The following NUF2 variants were observed in gnomAD, a reference collection of about 807,000 sequenced individuals.
NUF2 encodes kinetochore protein Nuf2.
A neutral mutation model predicts 61.8 loss-of-function variants in NUF2; 34 were observed. The ratio of observed to expected loss-of-function variants is 0.55; its 90% confidence interval spans 0.42 to 0.73. The LOEUF (loss-of-function observed/expected upper bound fraction) is 0.73, where lower values mean the gene tolerates loss of function less well. Ranked by LOEUF, NUF2 falls within the 30% of genes least tolerant of loss-of-function variation. The pLI is 0.00. For synonymous variants in NUF2, 172 were observed against 181.6 expected, an observed-to-expected ratio of 0.95 and a Z score of 0.42; for missense variants, 445 against 539.1, an observed-to-expected ratio of 0.83 and a Z score of 1.73.
At chr1:163,332,264 T>G (rs763348275) in intron 5 of NUF2, among the ~76,000 whole-genome samples, 2 of 152,196 alleles carry the variant, frequency 1.3e-5, no homozygotes, top group Admixed American at 6.5e-5. Flanking sequence ...TTGTCTGCTT[T>G]CCAAATATTT....
At chr1:163,354,966 C>T (rs1651440117) in intron 13 of NUF2, among the ~76,000 whole-genome samples, 1 of 151,924 alleles carries the variant, frequency 6.6e-6, no homozygotes, top group Non-Finnish European at 1.5e-5. Context: ...AAATGATAAT[C>T]AGGGTCAAAT....
At chr1:163,339,307 A>T (rs889698950) in intron 7 of NUF2, 74 bp from the exon 8 acceptor site, 1 of 831,830 alleles carries the variant, frequency 1.2e-6, no homozygotes, top group Admixed American at 2.2e-5. Flanking sequence ...CATCTCAGTT[A>T]TTTGAGGACA....
At position 163,324,784 on chromosome 1, in the gene NUF2, C is replaced by T. The variant is rs529180463; in HGVS notation, c.-20-1248C>T. 1.1e-3 allele frequency among the ~76,000 whole-genome samples: 160 copies of T among 152,212 alleles called. 1 individual carries two copies. The highest frequency in any genetic ancestry group is 3.6e-3 in the African/African-American group (150 of 41,512). Reference sequence around the variant, plus strand: ...AAGAAAATGAAAAGATCCTTACTTACCGGAATCTCACAATGTGGTGTCAGA... The same window carrying T: ...AAGAAAATGAAAAGATCCTTACTTATCGGAATCTCACAATGTGGTGTCAGA... On this transcript the variant is annotated intron_variant, in intron 1 of 13. Coordinates refer to ENST00000271452, the MANE Select transcript of NUF2 (RefSeq NM_145697.3).
chr1:163,340,190 A>G, intron 8 of NUF2, 174 bp from the exon 9 acceptor site: 1 of 534,464 alleles, frequency 1.9e-6, no homozygotes, highest in Non-Finnish European at 3.2e-6. Flanking sequence ...CTACTTAGTA[A>G]AGGAACTCTT....
chr1:163,336,863 T>C lies in NUF2; in HGVS notation c.435+15T>C, dbSNP rs764804886. 7 of 1,512,142 alleles carry C rather than the reference T, an allele frequency of 4.6e-6. No individual in the cohort carries two copies. The highest frequency in any genetic ancestry group is 4.5e-5 in the East Asian group (2 of 44,238). The allele number at this position is 1,512,142 out of a possible 1,614,324, so 93.7% of individuals were successfully genotyped here. On this transcript the variant is annotated intron_variant, in intron 6 of 13. Coordinates refer to ENST00000271452, the MANE Select transcript of NUF2 (RefSeq NM_145697.3). ...TTTGGCAATATGTAAGATTTAAATA[T>C]GTTTTGGGGTTACATGCCAGATCAG...
At chr1:163,348,752 A>G (rs971588447) in intron 12 of NUF2, among the ~76,000 whole-genome samples, 193 bp from the exon 13 acceptor site, 2 of 152,212 alleles carry the variant, frequency 1.3e-5, no homozygotes, top group African/African-American at 4.8e-5. Flanking sequence ...TGAGAGAAAG[A>G]GTTCACACTA....
At position 163,339,428 on chromosome 1, in the gene NUF2, G is replaced by A; in HGVS notation, c.557G>A (p.Gly186Glu). The A allele has an allele frequency of 6.2e-7, 1 of 1,613,014 alleles. No individual in the cohort carries two copies. The highest frequency in any genetic ancestry group is 8.5e-7 in the Non-Finnish European group (1 of 1,179,192). Reference protein sequence around the residue: ...EQEEFKQLSDGIQELQQSLNQ... With the variant: ...EQEEFKQLSDEIQELQQSLNQ... ...GAAGAGTTCAAGCAGCTTTCAGATGGAATTCAGGAGCTACAACAATCACTA... is the reference window on the plus strand; with the variant it reads ...GAAGAGTTCAAGCAGCTTTCAGATGAAATTCAGGAGCTACAACAATCACTA... Residue 186 changes from glycine (G) to glutamate (E), a missense_variant, in exon 8 of 14, where the codon GGA (glycine) becomes GAA (glutamate). Physicochemically the swap from Gly to Glu is moderately conservative, Grantham distance 98. Transcript: ENST00000271452.
At chr1:163,334,179 T>C (rs1275497789) in intron 5 of NUF2, among the ~76,000 whole-genome samples, 2 of 152,224 alleles carry the variant, frequency 1.3e-5, no homozygotes, top group Non-Finnish European at 2.9e-5. Flanking sequence ...TAGTGTTCTC[T>C]GGTATATGCA....
chr1:163,354,567 T>G (rs566828651), intron 13 of NUF2, among the ~76,000 whole-genome samples: 8 of 152,216 alleles, frequency 5.3e-5, no homozygotes, highest in African/African-American at 1.9e-4. Context: ...CACTTAAAAT[T>G]GAGAACATTG....
chr1:163,343,401 C>G (rs1314907562), intron 9 of NUF2, among the ~76,000 whole-genome samples: 1 of 152,014 alleles, frequency 6.6e-6, no homozygotes, highest in Non-Finnish European at 1.5e-5. Context: ...CTAGGAGGAC[C>G]CTACTGGTCA....
rs184932046 is a variant in NUF2, at chr1:163,351,879, A to C, written c.1260+2799A>C. ...GATCATCATAGTCTTTTTTCATTAA[A>C]TGTTCTTTCCCATAGATAATTTATC... is the stretch of plus-strand genomic sequence containing the variant. On this transcript the variant is annotated intron_variant, in intron 13 of 13. Transcript: ENST00000271452. Among the ~76,000 whole-genome samples, 370 of 152,312 alleles carry C rather than the reference A, an allele frequency of 2.4e-3. 3 individuals carry two copies. The highest frequency in any genetic ancestry group is 7.9e-3 in the African/African-American group (328 of 41,570).
intron 13 of NUF2, among the ~76,000 whole-genome samples, chr1:163,354,287 T>A (rs1651417832): frequency 6.6e-6 from 1 of 152,196 alleles, no homozygotes; most frequent in Admixed American, 6.5e-5. Context: ...ATTTTTGTGT[T>A]AGGATTTAAT....
Position 163,325,000 on chromosome 1 carries a change from G to A in NUF2, c.-20-1032G>A, listed in dbSNP as rs1416570908. On this transcript the variant is annotated intron_variant, in intron 1 of 13. Coordinates refer to ENST00000271452, the MANE Select transcript of NUF2 (RefSeq NM_145697.3). ...CAACTTCTGCTTCCCAGGCTCAAGT[G>A]ATCCTCCCACCTCAGCCTCCCAAGT... Among the ~76,000 whole-genome samples the A allele has an allele frequency of 2.0e-5, 3 of 149,702 alleles. No individual in the cohort carries two copies. In the East Asian group the frequency reaches 6.0e-4, roughly 30 times the overall value.
chr1:163,349,417 CCTTAT>C (rs1651237516), intron 13 of NUF2, among the ~76,000 whole-genome samples: 1 of 152,034 alleles, frequency 6.6e-6, no homozygotes, highest in Non-Finnish European at 1.5e-5. Context: ...TTTATTGTCT[CCTTAT>C]CTTTTGAAGT....
At chr1:163,351,447 T>TG (rs1301906590) in intron 13 of NUF2, among the ~76,000 whole-genome samples, 1 of 152,232 alleles carries the variant, frequency 6.6e-6, no homozygotes, top group Non-Finnish European at 1.5e-5. Flanking sequence ...GATTTCAAAA[T>TG]GTCAAGGTTA....
chr1:163,350,676 T>G (rs940849115), intron 13 of NUF2, among the ~76,000 whole-genome samples: 1 of 152,204 alleles, frequency 6.6e-6, no homozygotes, highest in African/African-American at 2.4e-5. Flanking sequence ...GCATGGTGCT[T>G]CTTAAAACTA....
intron 13 of NUF2, among the ~76,000 whole-genome samples, chr1:163,353,701 C>A (rs774812792): frequency 6.6e-6 from 1 of 152,082 alleles, no homozygotes; most frequent in East Asian, 1.9e-4. Flanking sequence ...AGAATTTAAT[C>A]GAAAATGCTA....
chr1:163,337,994 T>A, intron 6 of NUF2, 26 bp from the exon 7 acceptor site: 1 of 1,566,152 alleles, frequency 6.4e-7, no homozygotes, highest in Non-Finnish European at 8.8e-7. Context: ...TGCACTAATA[T>A]GAGATGATTA....
At position 163,352,604 on chromosome 1, in the gene NUF2, C is replaced by T. The variant is rs558910821; in HGVS notation, c.1261-2731C>T. Among the ~76,000 whole-genome samples, 44 of 152,304 alleles carry T rather than the reference C, an allele frequency of 2.9e-4. 2 individuals carry two copies. In the South Asian group the frequency reaches 7.9e-3, roughly 27 times the overall value. ...CTGTCTGGCTGGGTGTGGTGGCTCA[C>T]GCCTGTAATCCCAGCACTTTGGGAG... On this transcript the variant is annotated intron_variant, in intron 13 of 13. Coordinates refer to ENST00000271452, the MANE Select transcript of NUF2 (RefSeq NM_145697.3).
Sources: allele counts gnomAD v4.1 joint callset (sites outside exome capture counted in the v4.1 genomes callset), GRCh38; gene constraint gnomAD v4.1.1; transcripts MANE v1.5; gene names NCBI Gene and HGNC (gene_info 2026-07-23, HGNC 2026-07-21).